Variants in DGKI observed in about 807,000 individuals in gnomAD.
DGKI encodes the protein DAG kinase iota.
A neutral mutation model predicts 147.5 loss-of-function variants in DGKI; 55 were observed. The observed-to-expected ratio is 0.37, with a 90% CI of 0.30 to 0.47. DGKI has a LOEUF of 0.47. Among genes scored for constraint, DGKI ranks in the 20% least tolerant of loss-of-function variants. The pLI is 1.00. For synonymous variants in DGKI, 469 were observed against 477.1 expected (o/e 0.98, Z 0.22); for missense variants, 1,007 against 1,323.8 (o/e 0.76, Z 3.71).
intron 20 of DGKI, among the ~76,000 whole-genome samples, chr7:137,522,467 A>G (rs546204408): frequency 6.6e-6 from 1 of 152,130 alleles, no homozygotes; most frequent in Non-Finnish European, 1.5e-5. Context: ...TACACAGCTC[A>G]ATAGCCTCTT....
At chr7:137,662,051 T>C (rs992507264) in intron 3 of DGKI, among the ~76,000 whole-genome samples, 8 of 152,170 alleles carry the variant, frequency 5.3e-5, no homozygotes, top group Non-Finnish European at 8.8e-5. Context: ...CTGGGGAGTC[T>C]GGGATGCAAT....
At chr7:137,678,476 C>T in intron 3 of DGKI, 81 bp downstream of exon 3, 1 of 1,373,326 alleles carries the variant, frequency 7.3e-7, no homozygotes, top group Non-Finnish European at 1.0e-6. Flanking sequence ...TCAAACCTCC[C>T]CTTGGAAATT....
intron 1 of DGKI, among the ~76,000 whole-genome samples, chr7:137,736,254 T>C (rs916743143): frequency 1.3e-5 from 2 of 152,202 alleles, no homozygotes; most frequent in Middle Eastern, 6.8e-3. Flanking sequence ...GCTGGAAACA[T>C]CAGTAAACCA....
chr7:137,483,789 T>C (rs921348762), intron 23 of DGKI, among the ~76,000 whole-genome samples: 1 of 152,182 alleles, frequency 6.6e-6, no homozygotes, highest in East Asian at 1.9e-4. Flanking sequence ...TTCCTTTTTA[T>C]GGCTGCATAG....
chr7:137,479,733 C>T (rs1585155607), intron 23 of DGKI, among the ~76,000 whole-genome samples: 1 of 152,124 alleles, frequency 6.6e-6, no homozygotes, highest in African/African-American at 2.4e-5. Context: ...GGAATCCCTG[C>T]CTCATTTAAT....
chr7:137,752,513 A>C (rs1276091317), intron 1 of DGKI, among the ~76,000 whole-genome samples: 1 of 152,214 alleles, frequency 6.6e-6, no homozygotes, highest in East Asian at 1.9e-4. Context: ...AATGAAATCC[A>C]CAGGCAGATA....
At chr7:137,563,228 A>T (rs1048185486) in intron 19 of DGKI, among the ~76,000 whole-genome samples, 47 of 152,156 alleles carry the variant, frequency 3.1e-4, no homozygotes, top group African/African-American at 1.1e-3. Flanking sequence ...AAAAGCTCTC[A>T]GGAAAGTAGG....
At chr7:137,779,542 CAT>C (rs1796456765) in intron 1 of DGKI, among the ~76,000 whole-genome samples, 1 of 152,066 alleles carries the variant, frequency 6.6e-6, no homozygotes, top group South Asian at 2.1e-4. Context: ...ATTGGAAAAA[CAT>C]ATTTACCAAC....
chr7:137,381,551 G>A lies in DGKI; in HGVS notation c.*9669C>T, dbSNP rs1462261013. On this transcript the variant is annotated 3_prime_UTR_variant, in exon 33 of 33. Coordinates refer to ENST00000614521, the MANE Select transcript of DGKI (RefSeq NM_001321708.2). ...GAATACCCACAGCCAAGGGTACCCT[G>A]GATGCCTGGGAACGTTTTCCCACTC... The A allele has an allele frequency of 6.6e-6, 1 of 151,620 alleles. No individual in the cohort carries two copies. Among genetic ancestry groups the A allele is most frequent in the African/African-American group, 2.4e-5 (1 of 41,250 alleles). The allele number at this position is 151,620 out of a possible 1,614,324, so 9.4% of individuals were successfully genotyped here.
chr7:137,413,389 C>G (rs554868111), intron 28 of DGKI, among the ~76,000 whole-genome samples: 1 of 147,692 alleles, frequency 6.8e-6, no homozygotes, highest in South Asian at 2.1e-4. Context: ...GTCACCCAGA[C>G]AGTGAACATA....
At position 137,487,635 on chromosome 7, in the gene DGKI, C is replaced by G; in HGVS notation, c.2303G>C (p.Arg768Pro). ...VRGDCDLETC[R>P]MYIDRLQEDL... Reference sequence around the variant, plus strand: ...CTCCTGTAGGCGGTCTATGTACATACGGCAAGTCTCCAAATCACAGTCTCC... The same window carrying G: ...CTCCTGTAGGCGGTCTATGTACATAGGGCAAGTCTCCAAATCACAGTCTCC... The change falls in exon 22 of 33, where the codon CGT becomes CCT. Residue 768 changes from arginine to proline, a missense_variant. Around this residue, in one of 5 missense-constraint regions of DGKI, gnomAD observed 385 missense variants for 445.2 expected, o/e 0.86. Coordinates refer to ENST00000614521, the MANE Select transcript of DGKI (RefSeq NM_001321708.2). 6.2e-7 allele frequency: 1 copy of G among 1,613,734 alleles called. No individual in the cohort carries two copies. Among genetic ancestry groups the G allele is most frequent in the Non-Finnish European group, 8.5e-7 (1 of 1,179,720 alleles).
At chr7:137,462,380 A>G (rs953334791) in intron 27 of DGKI, among the ~76,000 whole-genome samples, 3 of 152,200 alleles carry the variant, frequency 2.0e-5, no homozygotes, top group Admixed American at 2.0e-4. Flanking sequence ...GTTTAATTAA[A>G]AAGAAAAATC....
intron 7 of DGKI, among the ~76,000 whole-genome samples, chr7:137,621,016 G>A (rs1563116241): frequency 6.6e-6 from 1 of 151,986 alleles, no homozygotes; most frequent in Non-Finnish European, 1.5e-5. Flanking sequence ...CACAAATTAG[G>A]ACCGTCTCCA....
intron 30 of DGKI, among the ~76,000 whole-genome samples, chr7:137,401,406 C>T (rs1442502031): frequency 6.6e-6 from 1 of 151,934 alleles, no homozygotes; most frequent in East Asian, 1.9e-4. Context: ...TGGTACATGC[C>T]TGTAGTCCCA....
At chr7:137,709,302 C>T (rs1385047437) in intron 1 of DGKI, among the ~76,000 whole-genome samples, 2 of 152,034 alleles carry the variant, frequency 1.3e-5, no homozygotes, top group African/African-American at 4.8e-5. Context: ...CACAGAGTTT[C>T]GTGTGTAGGG....
intron 20 of DGKI, among the ~76,000 whole-genome samples, chr7:137,551,106 A>G (rs1236003253): frequency 6.6e-6 from 1 of 152,240 alleles, no homozygotes; most frequent in Non-Finnish European, 1.5e-5. Flanking sequence ...AAGACATGTA[A>G]CTAAAAAACA....
intron 10 of DGKI, among the ~76,000 whole-genome samples, chr7:137,601,234 A>G (rs1478136412): frequency 6.6e-6 from 1 of 152,008 alleles, no homozygotes; most frequent in Non-Finnish European, 1.5e-5. Flanking sequence ...TAGCGCCACT[A>G]CACTTCGGCC....
At chr7:137,507,866 G>A (rs1448771104) in intron 21 of DGKI, among the ~76,000 whole-genome samples, 1 of 152,092 alleles carries the variant, frequency 6.6e-6, no homozygotes, top group Non-Finnish European at 1.5e-5. Flanking sequence ...CATTCCCCAA[G>A]ACCAGACACT....
intron 19 of DGKI, among the ~76,000 whole-genome samples, chr7:137,562,404 C>T (rs934593348): frequency 5.3e-5 from 8 of 152,034 alleles, no homozygotes; most frequent in South Asian, 2.1e-4. Flanking sequence ...GCCCTTGTGG[C>T]GGGCACCTAT....
Sources: allele counts gnomAD v4.1 joint callset (sites outside exome capture counted in the v4.1 genomes callset), GRCh38; gene constraint gnomAD v4.1.1; regional missense constraint gnomAD v4.1.1; transcripts MANE v1.5; gene names NCBI Gene and HGNC (gene_info 2026-07-23, HGNC 2026-07-21).